The following STXBP4 variants were observed in gnomAD, a reference collection of about 807,000 sequenced individuals.
STXBP4 encodes syntaxin-binding protein 4.
Under a neutral mutation model 76.1 loss-of-function variants are expected in STXBP4, and 55 were observed. The observed-to-expected ratio is 0.72, with a 90% CI of 0.58 to 0.91. STXBP4 has a LOEUF of 0.91. Among genes scored for constraint, STXBP4 ranks in the 40% least tolerant of loss-of-function variants. The pLI, the probability that STXBP4 is intolerant of heterozygous loss-of-function variation, is 0.00. For missense variants in STXBP4, 618 were observed against 636.9 expected (o/e 0.97, Z 0.32); for synonymous variants, 201 against 220.2 (o/e 0.91, Z 0.77).
chr17:55,024,584 A>C (rs192230229), intron 8 of STXBP4, among the ~76,000 whole-genome samples: 2 of 152,298 alleles, frequency 1.3e-5, no homozygotes, highest in East Asian at 3.9e-4. Flanking sequence ...AACCTTTGTC[A>C]TTTCTAGGTT....
At chr17:55,124,275 G>A (rs1246866802) in intron 16 of STXBP4, among the ~76,000 whole-genome samples, 1 of 152,190 alleles carries the variant, frequency 6.6e-6, no homozygotes, top group Non-Finnish European at 1.5e-5. Flanking sequence ...GTTCATGATG[G>A]ATCAGAAAGC....
At chr17:55,121,531 G>C (rs1303479041) in intron 16 of STXBP4, among the ~76,000 whole-genome samples, 1 of 152,136 alleles carries the variant, frequency 6.6e-6, no homozygotes, top group Non-Finnish European at 1.5e-5. Flanking sequence ...AATCCCCAGG[G>C]TCTCTGACAT....
rs1240998131 is a variant in STXBP4, at chr17:55,168,887, A to G, written c.*8976A>G. 6.6e-6 allele frequency: 1 copy of G among 152,202 alleles called. No homozygotes were observed. The highest frequency in any genetic ancestry group is 1.5e-5 in the Non-Finnish European group (1 of 68,044). 9.4% of individuals were successfully genotyped at this position (152,202 alleles called of 1,614,324 possible). A position where few individuals can be genotyped will look rare whatever the true frequency, so the allele number is the denominator to read the frequency against. ...ATCTTGGCAAAAGGACTTAATAGAAAAATTTTAGATAACAATCAGGATTCA... is the reference window on the plus strand; with the variant it reads ...ATCTTGGCAAAAGGACTTAATAGAAGAATTTTAGATAACAATCAGGATTCA... On this transcript the variant is annotated 3_prime_UTR_variant, in exon 18 of 18. Transcript: ENST00000376352.
At chr17:54,974,360 C>T (rs1053120504) in intron 1 of STXBP4, among the ~76,000 whole-genome samples, 16 of 152,176 alleles carry the variant, frequency 1.1e-4, no homozygotes, top group African/African-American at 3.9e-4. Flanking sequence ...CACAATAATG[C>T]CCTGAAGTCG....
intron 10 of STXBP4, among the ~76,000 whole-genome samples, chr17:55,038,761 C>T (rs574019957): frequency 6.8e-6 from 1 of 146,406 alleles, no homozygotes; most frequent in South Asian, 2.1e-4. Context: ...TAATCAAGTA[C>T]TGTATCATTA....
At position 55,165,160 on chromosome 17, in the gene STXBP4, C is replaced by G. The variant is rs181432212; in HGVS notation, c.*5249C>G. On this transcript the variant is annotated 3_prime_UTR_variant, in exon 18 of 18. Transcript: ENST00000376352. ...CTTTTGCATTTCAAAAATTTAGCTCCTTGGGGAACTAGAAAGGATTTATGA... is the reference window on the plus strand; with the variant it reads ...CTTTTGCATTTCAAAAATTTAGCTCGTTGGGGAACTAGAAAGGATTTATGA... 1 of 152,190 alleles carries G rather than the reference C, an allele frequency of 6.6e-6. No individual in the cohort carries two copies. The highest frequency in any genetic ancestry group is 1.9e-4 in the East Asian group (1 of 5,188). The allele number at this position is 152,190 out of a possible 1,614,324, so 9.4% of individuals were successfully genotyped here.
intron 16 of STXBP4, among the ~76,000 whole-genome samples, chr17:55,118,189 A>G (rs1353661900): frequency 1.3e-5 from 2 of 152,022 alleles, no homozygotes; most frequent in Non-Finnish European, 2.9e-5. Flanking sequence ...CAATATATAT[A>G]TAATTTCAAA....
intron 12 of STXBP4, among the ~76,000 whole-genome samples, chr17:55,069,536 T>A (rs2079097469): frequency 6.6e-6 from 1 of 152,198 alleles, no homozygotes; most frequent in Non-Finnish European, 1.5e-5. Context: ...ACTGCTGTTA[T>A]CTTTTCTTTA....
At chr17:55,128,294 A>C (rs141853559) in intron 16 of STXBP4, among the ~76,000 whole-genome samples, 1 of 152,348 alleles carries the variant, frequency 6.6e-6, no homozygotes, top group Non-Finnish European at 1.5e-5. Flanking sequence ...AGTTTCTGGC[A>C]GATCCAGAGT....
intron 12 of STXBP4, among the ~76,000 whole-genome samples, chr17:55,054,016 C>T (rs2078893661): frequency 6.6e-6 from 1 of 152,048 alleles, no homozygotes; most frequent in Non-Finnish European, 1.5e-5. Flanking sequence ...GCAGTACCTA[C>T]TTTTTCCACA....
chr17:55,196,297 G>A, the STXBP4 span, among the ~76,000 whole-genome samples: 4 of 152,122 alleles, frequency 2.6e-5, no homozygotes, highest in South Asian at 4.2e-4. Flanking sequence ...AAGTGCCTCC[G>A]TGATCACTAT....
intron 16 of STXBP4, among the ~76,000 whole-genome samples, chr17:55,135,523 A>G (rs548244093): frequency 6.6e-6 from 1 of 152,212 alleles, no homozygotes; most frequent in South Asian, 2.1e-4. Flanking sequence ...TTTTTCAATT[A>G]TTTTCTTAGA....
At chr17:55,016,136 T>A (rs558708325) in intron 8 of STXBP4, among the ~76,000 whole-genome samples, 1 of 152,304 alleles carries the variant, frequency 6.6e-6, no homozygotes, top group African/African-American at 2.4e-5. Context: ...CATTTTCCAA[T>A]GAGCATTAGT....
chr17:55,080,980 C>A, intron 15 of STXBP4, 70 bp from the exon 16 acceptor site: 1 of 1,291,976 alleles, frequency 7.7e-7, no homozygotes. Flanking sequence ...ACTGATACAA[C>A]TTCAGATTTA....
chr17:55,027,572 A>C (rs1160925289), intron 8 of STXBP4, among the ~76,000 whole-genome samples: 2 of 152,238 alleles, frequency 1.3e-5, no homozygotes, highest in Admixed American at 6.5e-5. Flanking sequence ...TGAAATAAAA[A>C]AAGAAAAAAG....
intron 10 of STXBP4, among the ~76,000 whole-genome samples, chr17:55,035,620 T>C (rs532157248): frequency 8.6e-5 from 13 of 151,952 alleles, no homozygotes; most frequent in Non-Finnish European, 1.8e-4. Flanking sequence ...TGAATTATAA[T>C]TATACTTATT....
At position 55,031,160 on chromosome 17, in the gene STXBP4, T is replaced by C; in HGVS notation, c.667-8T>C. 1 of 1,610,820 alleles carries C rather than the reference T, an allele frequency of 6.2e-7. No homozygotes were observed. The highest frequency in any genetic ancestry group is 8.5e-7 in the Non-Finnish European group (1 of 1,177,586). ...AAAATTGCTTTTCATGAGTCCTTTA[T>C]CTTCCAGGCTCTAAATTATCTTGGT... On this transcript the variant is annotated splice_region_variant and splice_polypyrimidine_tract_variant and intron_variant, in intron 8 of 17. Coordinates refer to ENST00000376352, the MANE Select transcript of STXBP4 (RefSeq NM_178509.6).
chr17:55,158,494 T>G (rs1218287768), intron 17 of STXBP4, among the ~76,000 whole-genome samples: 1 of 152,156 alleles, frequency 6.6e-6, no homozygotes, highest in Non-Finnish European at 1.5e-5. Flanking sequence ...AAACAAATCC[T>G]TGTCCTAATT....
chr17:55,192,336 A>G, the STXBP4 span, among the ~76,000 whole-genome samples: 1 of 152,180 alleles, frequency 6.6e-6, no homozygotes, highest in African/African-American at 2.4e-5. Context: ...ATGGAAAGGC[A>G]ATCCACTGTA....
Sources: allele counts gnomAD v4.1 joint callset (sites outside exome capture counted in the v4.1 genomes callset), GRCh38; gene constraint gnomAD v4.1.1; transcripts MANE v1.5; gene names NCBI Gene and HGNC (gene_info 2026-07-23, HGNC 2026-07-21).